Variants in PDGFC observed in about 807,000 individuals in gnomAD.
PDGFC encodes the protein platelet-derived growth factor C.
A neutral mutation model predicts 35.5 loss-of-function variants in PDGFC; 12 were observed. The ratio of observed to expected loss-of-function variants is 0.34; its 90% CI spans 0.22 to 0.55. The LOEUF is 0.55. Ranked by LOEUF, PDGFC falls within the 20% of genes least tolerant of loss-of-function variation. The pLI is 0.91. For missense variants in PDGFC, 322 were observed against 412.4 expected, an observed-to-expected ratio of 0.78 and a Z score of 1.90; for synonymous variants, 159 against 148.8, an observed-to-expected ratio of 1.07 and a Z score of -0.50.
At chr4:156,914,375 T>C (rs1320581044) in intron 1 of PDGFC, among the ~76,000 whole-genome samples, 2 of 152,272 alleles carry the variant, frequency 1.3e-5, no homozygotes, top group East Asian at 3.9e-4. Context: ...ACTGCCTATA[T>C]AGCCTTCTGG....
intron 3 of PDGFC, among the ~76,000 whole-genome samples, chr4:156,780,426 C>T (rs376313634): frequency 2.6e-5 from 4 of 152,220 alleles, no homozygotes; most frequent in South Asian, 4.1e-4. Context: ...CACTTTCTTA[C>T]AGAAATTTAT....
At chr4:156,934,606 C>T (rs1325186881) in intron 1 of PDGFC, among the ~76,000 whole-genome samples, 1 of 152,168 alleles carries the variant, frequency 6.6e-6, no homozygotes, top group Non-Finnish European at 1.5e-5. Context: ...TAACTTTTTA[C>T]TTTATAAACT....
intron 1 of PDGFC, among the ~76,000 whole-genome samples, chr4:156,902,769 A>G (rs1232332428): frequency 6.6e-6 from 1 of 152,152 alleles, no homozygotes; most frequent in Non-Finnish European, 1.5e-5. Context: ...TTAAATATTC[A>G]TGTGGCACAG....
chr4:156,797,350 C>A (rs1197038519), intron 3 of PDGFC, among the ~76,000 whole-genome samples: 1 of 152,132 alleles, frequency 6.6e-6, no homozygotes, highest in Non-Finnish European at 1.5e-5. Flanking sequence ...CGCCCACACC[C>A]CACTTCAACC....
At chr4:156,872,688 C>T (rs79447660) in intron 1 of PDGFC, among the ~76,000 whole-genome samples, 3,039 of 152,268 alleles carry the variant, frequency 0.02, 112 homozygotes, top group African/African-American at 0.069. Context: ...ACATTCCATG[C>T]TAATTCTGCT....
At chr4:156,822,484 G>A (rs760344529) in intron 2 of PDGFC, among the ~76,000 whole-genome samples, 5 of 151,458 alleles carry the variant, frequency 3.3e-5, no homozygotes, top group Non-Finnish European at 5.9e-5. Flanking sequence ...TGACAAAAAG[G>A]CATGAATTTA....
chr4:156,851,669 C>T (rs1579055125), intron 1 of PDGFC, among the ~76,000 whole-genome samples: 1 of 152,074 alleles, frequency 6.6e-6, no homozygotes, highest in Non-Finnish European at 1.5e-5. Context: ...TAAGGACCAT[C>T]GCGGTGGCTC....
intron 3 of PDGFC, among the ~76,000 whole-genome samples, chr4:156,784,731 T>A (rs951371269): frequency 6.6e-6 from 1 of 152,206 alleles, no homozygotes; most frequent in African/African-American, 2.4e-5. Context: ...ATGTCAATTG[T>A]AGATCAAGAC....
Position 156,761,348 on chromosome 4 carries a change from C to CCT in PDGFC, c.*1740_*1741dup, listed in dbSNP as rs1338990616. On this transcript the variant is annotated 3_prime_UTR_variant, in exon 6 of 6. Transcript: ENST00000502773. The stretch of plus-strand genomic sequence containing the variant: ...TTTCCAGTTTCATACTACCATACCA[C>CCT]CTATCACCAAGCATTTCATAAACCA... 1 of 152,146 alleles carries CCT rather than the reference C, an allele frequency of 6.6e-6. No homozygotes were observed. Among genetic ancestry groups the CCT allele is most frequent in the Non-Finnish European group, 1.5e-5 (1 of 68,040 alleles). The allele number at this position is 152,146 out of a possible 1,614,324, so 9.4% of individuals were successfully genotyped here.
At chr4:156,958,596 T>A (rs777432770) in intron 1 of PDGFC, among the ~76,000 whole-genome samples, 1 of 152,080 alleles carries the variant, frequency 6.6e-6, no homozygotes, top group Non-Finnish European at 1.5e-5. Context: ...AATGAATAAA[T>A]GTTATGGTAT....
chr4:156,846,980 T>C (rs546418234), intron 2 of PDGFC, among the ~76,000 whole-genome samples: 1 of 151,800 alleles, frequency 6.6e-6, no homozygotes, highest in Non-Finnish European at 1.5e-5. Flanking sequence ...AGAAAGTTAA[T>C]AATGATAGAT....
At chr4:156,924,670 G>C (rs1731365054) in intron 1 of PDGFC, among the ~76,000 whole-genome samples, 1 of 152,114 alleles carries the variant, frequency 6.6e-6, no homozygotes, top group South Asian at 2.1e-4. Flanking sequence ...ACCAGTGAAG[G>C]GTCCCTTATC....
chr4:156,769,209 G>C (rs1036658881), intron 4 of PDGFC, among the ~76,000 whole-genome samples: 2 of 151,462 alleles, frequency 1.3e-5, no homozygotes, highest in Non-Finnish European at 3.0e-5. Context: ...AAAAAAGAAA[G>C]CTATTTTCTG....
intron 1 of PDGFC, among the ~76,000 whole-genome samples, chr4:156,891,072 C>T (rs1730492959): frequency 6.6e-6 from 1 of 151,708 alleles, no homozygotes; most frequent in South Asian, 2.1e-4. Context: ...TATGGTATAG[C>T]CTATTGCTTT....
intron 1 of PDGFC, among the ~76,000 whole-genome samples, chr4:156,854,016 A>G (rs1333927081): frequency 3.9e-5 from 6 of 152,184 alleles, no homozygotes; most frequent in Admixed American, 2.6e-4. Context: ...AACTCTTGAA[A>G]AGTAAATTCA....
At position 156,945,390 on chromosome 4, in the gene PDGFC, T is replaced by A. The variant is rs1379192026; in HGVS notation, c.118+25396A>T. Among the ~76,000 whole-genome samples, 6 of 109,796 alleles carry A rather than the reference T, an allele frequency of 5.5e-5. No individual in the cohort carries two copies. In the South Asian group the frequency reaches 8.9e-4, roughly 16 times the overall value. 72.0% of individuals were successfully genotyped at this position (109,796 alleles called of 152,430 possible). A position where few individuals can be genotyped will look rare whatever the true frequency, so the allele number is the denominator to read the frequency against. On this transcript the variant is annotated intron_variant, in intron 1 of 5. Coordinates refer to ENST00000502773, the MANE Select transcript of PDGFC (RefSeq NM_016205.3). ...ATATATATATATATATATATATATA[T>A]AATCAGTAGGGAAAATTCACAACAG...
At chr4:156,853,106 A>C (rs146074855) in intron 1 of PDGFC, among the ~76,000 whole-genome samples, 453 of 152,366 alleles carry the variant, frequency 3.0e-3, no homozygotes, top group Non-Finnish European at 3.8e-3. Flanking sequence ...GAAATTTCTT[A>C]CATAATATTA....
intron 2 of PDGFC, among the ~76,000 whole-genome samples, chr4:156,829,469 C>T (rs1007324021): frequency 2.6e-5 from 4 of 152,166 alleles, no homozygotes; most frequent in African/African-American, 9.7e-5. Context: ...GGCAATATCC[C>T]TAGGCAGAGA....
At chr4:156,788,473 G>C (rs1396565719) in intron 3 of PDGFC, among the ~76,000 whole-genome samples, 1 of 152,152 alleles carries the variant, frequency 6.6e-6, no homozygotes, top group African/African-American at 2.4e-5. Flanking sequence ...AAACTTAGCA[G>C]GGCCAAAAAT....
Sources: gnomAD v4.1 joint callset for allele counts (sites outside exome capture counted in the v4.1 genomes callset) on GRCh38, gnomAD v4.1.1 for gene constraint, MANE v1.5 for transcripts, NCBI Gene and HGNC (gene_info 2026-07-23, HGNC 2026-07-21) for gene names.